UBE2V2: variants seen among roughly 807,000 people sequenced by gnomAD.
UBE2V2 encodes ubiquitin conjugating enzyme E2 V2, also known as ubiquitin-conjugating enzyme E2 variant 2.
A neutral mutation model predicts 17.2 loss-of-function variants in UBE2V2; 9 were observed. The ratio of observed to expected loss-of-function variants is 0.52; its 90% confidence interval spans 0.32 to 0.91. UBE2V2 has a LOEUF of 0.91. Ranked by LOEUF, UBE2V2 falls within the 40% of genes least tolerant of loss-of-function variation. The pLI is 0.04. For missense variants in UBE2V2, 133 were observed against 182.6 expected (o/e 0.73, Z 1.56); for synonymous variants, 61 against 57.5 (o/e 1.06, Z -0.28).
chr8:48,050,356 T>C, intron 3 of UBE2V2: 1 of 153,112 alleles, frequency 6.5e-6, no homozygotes, highest in Non-Finnish European at 1.5e-5. Flanking sequence ...TGCCTCAACC[T>C]CCCGAGTAGC....
At chr8:48,010,345 C>T (rs2091219253) in intron 1 of UBE2V2, among the ~76,000 whole-genome samples, 2 of 150,734 alleles carry the variant, frequency 1.3e-5, no homozygotes, top group Non-Finnish European at 2.9e-5. Context: ...ATCCACCCGC[C>T]TCAGCCTCCC....
intron 3 of UBE2V2, among the ~76,000 whole-genome samples, chr8:48,058,198 G>A (rs1454508443): frequency 6.6e-6 from 1 of 152,164 alleles, no homozygotes; most frequent in Non-Finnish European, 1.5e-5. Flanking sequence ...GCCGGGCGTG[G>A]TGGCTCATGC....
At chr8:48,011,995 T>G (rs952757504) in intron 1 of UBE2V2, among the ~76,000 whole-genome samples, 1 of 152,174 alleles carries the variant, frequency 6.6e-6, no homozygotes, top group Non-Finnish European at 1.5e-5. Flanking sequence ...CCATCTGGTC[T>G]TCTTATTTTG....
chr8:48,015,707 A>C lies in UBE2V2; in HGVS notation c.16+7237A>C, dbSNP rs558612891. Among the ~76,000 whole-genome samples, 6 of 152,066 alleles carry C rather than the reference A, an allele frequency of 3.9e-5. No homozygotes were observed. In the South Asian group the frequency reaches 1.2e-3, roughly 32 times the overall value. ...TCTCCTGTCTACTTCTGTGAGATCA[A>C]TTTTGACTCCATATATGAGTGAGAT... On this transcript the variant is annotated intron_variant, in intron 1 of 3. Coordinates refer to ENST00000523111, the MANE Select transcript of UBE2V2 (RefSeq NM_003350.3).
In UBE2V2 at chr8:48,061,733, T is replaced by C. The variant is rs1802597964; in HGVS notation, c.*905T>C. The C allele has an allele frequency of 6.6e-6, 1 of 152,294 alleles. No homozygotes were observed. Among genetic ancestry groups the C allele is most frequent in the Admixed American group, 6.6e-5 (1 of 15,264 alleles). 9.4% of individuals were successfully genotyped at this position (152,294 alleles called of 1,614,324 possible). ...GCAGACTATTTCAGAAAAGAAATTA[T>C]CTAGTTTAATTTCTTCTTTGGACAA... On this transcript the variant is annotated 3_prime_UTR_variant, in exon 4 of 4. Transcript: ENST00000523111.
chr8:48,041,293 C>T (rs575944294), intron 1 of UBE2V2, among the ~76,000 whole-genome samples: 2 of 151,514 alleles, frequency 1.3e-5, no homozygotes, highest in South Asian at 4.2e-4. Flanking sequence ...ACCAGTCTGG[C>T]CAACACGGTG....
chr8:48,016,029 C>T (rs899324956), intron 1 of UBE2V2, among the ~76,000 whole-genome samples: 5 of 151,780 alleles, frequency 3.3e-5, no homozygotes, highest in Non-Finnish European at 7.4e-5. Context: ...TCCCTAGTAG[C>T]TGGGATTACT....
chr8:48,048,109 A>T (rs891772706), intron 2 of UBE2V2, among the ~76,000 whole-genome samples: 1 of 151,918 alleles, frequency 6.6e-6, no homozygotes, highest in Admixed American at 6.6e-5. Context: ...ACTGAGATAC[A>T]GAACATTCCT....
intron 1 of UBE2V2, chr8:48,034,942 C>A: frequency 2.3e-6 from 2 of 863,996 alleles, no homozygotes; most frequent in Non-Finnish European, 1.4e-6. Context: ...CTCCCTGCAG[C>A]CTCTCCAGGT....
intron 2 of UBE2V2, among the ~76,000 whole-genome samples, chr8:48,043,874 A>C (rs1159060634): frequency 6.7e-6 from 1 of 149,850 alleles, no homozygotes; most frequent in African/African-American, 2.5e-5. Context: ...TCTTGGGTTT[A>C]TGAAGTTTTA....
intron 1 of UBE2V2, chr8:48,034,946 T>C (rs986629370): frequency 5.5e-6 from 5 of 902,260 alleles, no homozygotes; most frequent in Non-Finnish European, 6.6e-6. Context: ...CTGCAGCCTC[T>C]CCAGGTGGCC....
At chr8:48,031,115 A>T (rs2091379741) in intron 1 of UBE2V2, among the ~76,000 whole-genome samples, 1 of 151,864 alleles carries the variant, frequency 6.6e-6, no homozygotes, top group African/African-American at 2.4e-5. Flanking sequence ...AGGCTGAGCC[A>T]GGAGAAGCAC....
chr8:48,013,253 G>A (rs184866965), intron 1 of UBE2V2, among the ~76,000 whole-genome samples: 2 of 151,584 alleles, frequency 1.3e-5, no homozygotes, highest in East Asian at 1.9e-4. Context: ...TTTCTTTAAT[G>A]TACTTTTGCT....
intron 1 of UBE2V2, among the ~76,000 whole-genome samples, chr8:48,021,467 C>T (rs1184589406): frequency 6.6e-5 from 10 of 151,068 alleles, no homozygotes; most frequent in East Asian, 5.9e-4. Context: ...CCACCACGCC[C>T]GGCTAATATT....
the UBE2V2 span, among the ~76,000 whole-genome samples, chr8:48,002,970 G>C: frequency 3.9e-5 from 6 of 152,130 alleles, no homozygotes; most frequent in Non-Finnish European, 8.8e-5. Flanking sequence ...CCAGCACTTT[G>C]GGAGGCCGAA....
chr8:48,047,563 A>AT (rs1179681283), intron 2 of UBE2V2, among the ~76,000 whole-genome samples: 3,508 of 145,364 alleles, frequency 0.024, 100 homozygotes, highest in African/African-American at 0.07. Context: ...GTTAATTAAA[A>AT]TTTTTTTTTT....
chr8:48,046,957 T>C (rs2091503895), intron 2 of UBE2V2, among the ~76,000 whole-genome samples: 2 of 151,698 alleles, frequency 1.3e-5, no homozygotes, highest in African/African-American at 4.8e-5. Flanking sequence ...TTTTTTTTTT[T>C]GAGATGGAGC....
intron 1 of UBE2V2, among the ~76,000 whole-genome samples, chr8:48,039,119 C>T (rs1039962085): frequency 1.3e-5 from 2 of 151,872 alleles, no homozygotes; most frequent in East Asian, 1.9e-4. Flanking sequence ...AGGCTGGTCT[C>T]GAACTCCTGC....
chr8:48,002,919 A>G, the UBE2V2 span, among the ~76,000 whole-genome samples: 5 of 151,380 alleles, frequency 3.3e-5, no homozygotes, highest in Non-Finnish European at 7.4e-5. Context: ...TTAAAAAAGA[A>G]AGAGAGAATT....
Sources: gnomAD v4.1 joint callset for allele counts (sites outside exome capture counted in the v4.1 genomes callset) on GRCh38, gnomAD v4.1.1 for gene constraint, MANE v1.5 for transcripts, NCBI Gene and HGNC (gene_info 2026-07-23, HGNC 2026-07-21) for gene names.